OCA2: variants seen among roughly 807,000 people sequenced by gnomAD.
The protein encoded by OCA2 is P protein.
In OCA2, 77 loss-of-function variants were observed where a neutral mutation model predicts 100.2. That is an observed-to-expected ratio of 0.77 (90% CI 0.64 to 0.93). OCA2 has a LOEUF of 0.93. OCA2 is among the 40% of genes least tolerant of loss of function. OCA2 has a pLI of 0.00. For missense variants in OCA2, 1,062 were observed against 1,089.1 expected (o/e 0.98, Z 0.35); for synonymous variants, 432 against 439.2 (o/e 0.98, Z 0.21).
At chr15:27,900,307 G>A (rs1477630504) in intron 19 of OCA2, among the ~76,000 whole-genome samples, 1 of 152,074 alleles carries the variant, frequency 6.6e-6, no homozygotes, top group East Asian at 1.9e-4. Flanking sequence ...CATGCACCCA[G>A]AGGAACACCC....
chr15:27,924,039 G>A (rs1186983166), intron 19 of OCA2, among the ~76,000 whole-genome samples: 5 of 152,134 alleles, frequency 3.3e-5, no homozygotes, highest in African/African-American at 1.2e-4. Context: ...TTTGTATATG[G>A]TATAAGGAAG....
the OCA2 span, among the ~76,000 whole-genome samples, chr15:27,738,875 A>C: frequency 2.0e-5 from 3 of 152,164 alleles, no homozygotes; most frequent in Non-Finnish European, 4.4e-5. Context: ...TGTGTTGTAC[A>C]TCTACACAAA....
chr15:28,062,710 C>A (rs1347544869), intron 2 of OCA2, among the ~76,000 whole-genome samples: 1 of 152,074 alleles, frequency 6.6e-6, no homozygotes, highest in African/African-American at 2.4e-5. Context: ...GGTCTATGAT[C>A]CCTTTTGAGT....
At chr15:28,097,462 CT>C (rs2045007059) in intron 1 of OCA2, among the ~76,000 whole-genome samples, 1 of 152,232 alleles carries the variant, frequency 6.6e-6, no homozygotes, top group Admixed American at 6.5e-5. Context: ...GGGTCAGCCC[CT>C]GCCCCAGATC....
chr15:27,904,376 C>T (rs975982151), intron 19 of OCA2, among the ~76,000 whole-genome samples: 2 of 152,144 alleles, frequency 1.3e-5, no homozygotes, highest in African/African-American at 4.8e-5. Context: ...AGAAGAGATG[C>T]GCAGATGAGC....
At chr15:28,095,715 CA>C (rs113766832) in intron 1 of OCA2, among the ~76,000 whole-genome samples, 14,956 of 98,054 alleles carry the variant, frequency 0.15, 1,525 homozygotes, top group East Asian at 0.67. Flanking sequence ...GAAACTGTCT[CA>C]AAAAAAAAAA....
At chr15:27,749,778 A>C in the OCA2 span, among the ~76,000 whole-genome samples, 1 of 152,214 alleles carries the variant, frequency 6.6e-6, no homozygotes, top group African/African-American at 2.4e-5. Flanking sequence ...ATCTAACAAA[A>C]CTTGTCCAGG....
intron 14 of OCA2, among the ~76,000 whole-genome samples, chr15:27,972,190 G>A (rs2040813802): frequency 6.6e-6 from 1 of 152,162 alleles, no homozygotes; most frequent in East Asian, 1.9e-4. Flanking sequence ...TATGGTGTGT[G>A]TGGGTGTATA....
At chr15:27,936,831 A>C (rs2039470966) in intron 18 of OCA2, among the ~76,000 whole-genome samples, 1 of 152,192 alleles carries the variant, frequency 6.6e-6, no homozygotes, top group South Asian at 2.1e-4. Flanking sequence ...CAACACCTGG[A>C]AGCTTCTGCG....
the OCA2 span, among the ~76,000 whole-genome samples, chr15:27,734,287 A>G: frequency 2.6e-5 from 1 of 39,208 alleles, no homozygotes; most frequent in South Asian, 4.5e-4. Context: ...TTTCAAGAGC[A>G]AAAAAAAAAA....
chr15:28,082,043 AG>A (rs2044651972), intron 1 of OCA2, 148 bp from the exon 2 acceptor site: 1 of 687,852 alleles, frequency 1.5e-6, no homozygotes, highest in African/African-American at 1.8e-5. Flanking sequence ...ATTTCACCCT[AG>A]TGAGAAGTGA....
intron 19 of OCA2, among the ~76,000 whole-genome samples, chr15:27,904,690 A>G (rs1324288472): frequency 6.6e-6 from 1 of 152,144 alleles, no homozygotes. Context: ...CAAACTGGGG[A>G]ACACCAAGTT....
chr15:27,871,292 A>G lies in OCA2; in HGVS notation c.2140-34T>C, dbSNP rs558649415. On this transcript the variant is annotated intron_variant, in intron 20 of 23. Coordinates refer to ENST00000354638, the MANE Select transcript of OCA2 (RefSeq NM_000275.3). ...AGGACAATAGCAGCTGCAGTGTTCC[A>G]TCGCATGCACTTAGGGTCAGACCCA... 6 of 1,535,268 alleles carry G rather than the reference A, an allele frequency of 3.9e-6. No homozygotes were observed. In the African/African-American group the frequency reaches 4.1e-5, roughly 10 times the overall value.
chr15:28,063,400 A>G (rs904388907), intron 2 of OCA2, among the ~76,000 whole-genome samples: 1 of 152,042 alleles, frequency 6.6e-6, no homozygotes, highest in Non-Finnish European at 1.5e-5. Flanking sequence ...TAATCCATCT[A>G]TGTTTAATAT....
rs533978724 is a variant in OCA2 at position 28,020,513 on chromosome 15, G to A, written c.647-1956C>T. Among the ~76,000 whole-genome samples the A allele has an allele frequency of 2.0e-5, 3 of 152,282 alleles. No individual in the cohort carries two copies. In the South Asian group the frequency reaches 6.2e-4, roughly 32 times the overall value. ...TATCTCCCCTTCCCCCTGCGGGAAA[G>A]TCCTGCCCAGGAGGGTGGCATGTCC... On this transcript the variant is annotated intron_variant, in intron 6 of 23. Coordinates refer to ENST00000354638, the MANE Select transcript of OCA2 (RefSeq NM_000275.3).
intron 23 of OCA2, among the ~76,000 whole-genome samples, chr15:27,785,331 T>C (rs894681248): frequency 3.9e-5 from 6 of 152,188 alleles, no homozygotes; most frequent in Admixed American, 3.3e-4. Flanking sequence ...CACATGTTCA[T>C]AGCAACACTA....
chr15:27,836,055 T>G (rs770345607), intron 23 of OCA2, among the ~76,000 whole-genome samples: 47 of 152,338 alleles, frequency 3.1e-4, no homozygotes, highest in Non-Finnish European at 6.0e-4. Flanking sequence ...CAGGACTCTC[T>G]GGCCTTCAGG....
chr15:27,770,779 ATCCT>A (rs140263439), intron 23 of OCA2, among the ~76,000 whole-genome samples: 16,012 of 61,238 alleles, frequency 0.26, 1,939 homozygotes, highest in East Asian at 0.59. Flanking sequence ...CCTCCCTTCC[ATCCT>A]TCCTTCCTCC....
chr15:28,048,378 A>G (rs944998253), intron 2 of OCA2, among the ~76,000 whole-genome samples: 4 of 152,206 alleles, frequency 2.6e-5, no homozygotes, highest in African/African-American at 9.6e-5. Flanking sequence ...AAGTCCAGAA[A>G]TAAACTCATA....
Sources: gnomAD v4.1 joint callset for allele counts (sites outside exome capture counted in the v4.1 genomes callset) on GRCh38, gnomAD v4.1.1 for gene constraint, MANE v1.5 for transcripts, NCBI Gene and HGNC (gene_info 2026-07-23, HGNC 2026-07-21) for gene names.